Variants in OPRPN observed in about 807,000 individuals in gnomAD.
OPRPN encodes opiorphin prepropeptide.
In OPRPN, 1 loss-of-function variant was observed where a neutral mutation model predicts 2.2. That is an observed-to-expected ratio of 0.45 (90% CI 0.16 to 2.15). The LOEUF (loss-of-function observed/expected upper bound fraction) is 2.15. Among genes scored for constraint, OPRPN ranks in the 30% most tolerant of loss-of-function variants. The probability of loss-of-function intolerance (pLI) is 0.28; values close to 1 mark genes in which losing one functional copy is unlikely to be tolerated. For missense variants in OPRPN, 306 were observed against 297.3 expected (o/e 1.03, Z -0.21); for synonymous variants, 126 against 111.5 (o/e 1.13, Z -0.82).
intron 2 of OPRPN, among the ~76,000 whole-genome samples, chr4:70,401,670 A>G (rs1173524343): frequency 2.0e-5 from 3 of 152,134 alleles, no homozygotes; most frequent in Non-Finnish European, 4.4e-5. Flanking sequence ...ACGCCAAGTA[A>G]TAACAAATAG....
chr4:70,403,380 A>G (rs767217916), intron 2 of OPRPN, among the ~76,000 whole-genome samples: 3 of 152,154 alleles, frequency 2.0e-5, no homozygotes, highest in Non-Finnish European at 2.9e-5. Flanking sequence ...GTAAAACTTT[A>G]TTTACCAAAA....
At chr4:70,403,308 T>G (rs972801768) in intron 2 of OPRPN, among the ~76,000 whole-genome samples, 3 of 152,120 alleles carry the variant, frequency 2.0e-5, no homozygotes, top group African/African-American at 7.2e-5. Context: ...TAATAAGTGG[T>G]CAACTTGGCT....
chr4:70,409,077 T>C (rs72852758), intron 2 of OPRPN, among the ~76,000 whole-genome samples: 1,590 of 152,296 alleles, frequency 0.01, 27 homozygotes, highest in African/African-American at 0.036. Context: ...TTATACATAA[T>C]CAAGGTGATT....
chr4:70,407,902 G>T (rs188696744), intron 2 of OPRPN, among the ~76,000 whole-genome samples: 1 of 152,146 alleles, frequency 6.6e-6, no homozygotes, highest in Non-Finnish European at 1.5e-5. Flanking sequence ...AAGTTCTCAC[G>T]TATCATGGCC....
At chr4:70,401,018 G>A (rs1323504664) in intron 2 of OPRPN, among the ~76,000 whole-genome samples, 1 of 151,952 alleles carries the variant, frequency 6.6e-6, no homozygotes, top group Non-Finnish European at 1.5e-5. Context: ...ACAACCTTCT[G>A]TTTCATACTG....
At chr4:70,401,631 C>G (rs1288972434) in intron 2 of OPRPN, among the ~76,000 whole-genome samples, 1 of 152,058 alleles carries the variant, frequency 6.6e-6, no homozygotes, top group Admixed American at 6.6e-5. Flanking sequence ...GGGAATGACA[C>G]AACAAGTGAA....
At chr4:70,398,743 A>G (rs1732911669) in intron 1 of OPRPN, among the ~76,000 whole-genome samples, 1 of 151,978 alleles carries the variant, frequency 6.6e-6, no homozygotes, top group African/African-American at 2.4e-5. Context: ...ATAATACTTC[A>G]GTAGAGTGAT....
At chr4:70,407,008 T>C (rs763443445) in intron 2 of OPRPN, among the ~76,000 whole-genome samples, 12 of 152,158 alleles carry the variant, frequency 7.9e-5, no homozygotes, top group African/African-American at 1.2e-4. Flanking sequence ...AAACCGGTCT[T>C]TGCTTCTCAT....
intron 2 of OPRPN, 186 bp downstream of exon 2, chr4:70,399,522 C>A: frequency 1.9e-6 from 1 of 535,250 alleles, no homozygotes; most frequent in Non-Finnish European, 3.3e-6. Flanking sequence ...TCAGCGGTTG[C>A]TAAGCATGAA....
chr4:70,401,081 A>G (rs1732975978), intron 2 of OPRPN, among the ~76,000 whole-genome samples: 1 of 152,056 alleles, frequency 6.6e-6, no homozygotes, highest in African/African-American at 2.4e-5. Flanking sequence ...TTGAGGATTC[A>G]TATGAATTAA....
rs188281863 is a variant in OPRPN at position 70,401,661 on chromosome 4, C to T, written c.51+2325C>T. 1.2e-3 allele frequency among the ~76,000 whole-genome samples: 186 copies of T among 152,108 alleles called. 3 individuals carry two copies. In the East Asian group the frequency reaches 0.018, roughly 15 times the overall value. On this transcript the variant is annotated intron_variant, in intron 2 of 2. Transcript: ENST00000399575. ...AGTGAATGGGCCTTTGTGTAGTTGA[C>T]GCCAAGTAATAACAAATAGGTTTCA... is the stretch of plus-strand genomic sequence containing the variant.
chr4:70,402,159 ACT>A lies in OPRPN; in HGVS notation c.51+2826_51+2827del, dbSNP rs1253203137. On this transcript the variant is annotated intron_variant, in intron 2 of 2. Transcript: ENST00000399575. ...TCTCCAAACTCTACAAACTCTAGAA[ACT>A]CTATCAGGAACACAAATCATCTAGG... Among the ~76,000 whole-genome samples, 9 of 152,118 alleles carry A rather than the reference ACT, an allele frequency of 5.9e-5. No homozygotes were observed. In the South Asian group the frequency reaches 8.3e-4, roughly 14 times the overall value.
At chr4:70,402,993 G>T (rs940108258) in intron 2 of OPRPN, among the ~76,000 whole-genome samples, 1 of 151,964 alleles carries the variant, frequency 6.6e-6, no homozygotes, top group Admixed American at 6.6e-5. Context: ...TTTAGTACAT[G>T]AAGTCAGTAC....
intron 2 of OPRPN, among the ~76,000 whole-genome samples, chr4:70,408,964 G>A (rs1422148124): frequency 6.6e-6 from 1 of 152,130 alleles, no homozygotes; most frequent in Non-Finnish European, 1.5e-5. Flanking sequence ...TTCAGAGTCT[G>A]GAATCTCACT....
intron 2 of OPRPN, among the ~76,000 whole-genome samples, chr4:70,406,001 G>C (rs4629525): frequency 1.3e-5 from 2 of 152,106 alleles, no homozygotes; most frequent in Middle Eastern, 3.2e-3. Context: ...CTGGGGGACA[G>C]AGGTTGAAGT....
At chr4:70,408,178 T>C (rs1030789567) in intron 2 of OPRPN, among the ~76,000 whole-genome samples, 3 of 152,088 alleles carry the variant, frequency 2.0e-5, no homozygotes, top group African/African-American at 7.2e-5. Context: ...GATCCAAAAG[T>C]TTGATGTTTC....
intron 1 of OPRPN, among the ~76,000 whole-genome samples, 177 bp downstream of exon 1, chr4:70,398,217 G>GA (rs1180538336): frequency 6.6e-6 from 1 of 151,502 alleles, no homozygotes; most frequent in Admixed American, 6.6e-5. Context: ...TAAAATTCCT[G>GA]AAAAAATGTC....
intron 2 of OPRPN, among the ~76,000 whole-genome samples, chr4:70,403,430 C>A (rs910875796): frequency 6.6e-6 from 1 of 152,206 alleles, no homozygotes; most frequent in Non-Finnish European, 1.5e-5. Context: ...AGTTTGCTAA[C>A]TCCCAGTCTA....
Position 70,409,551 on chromosome 4 carries a change from TTCTC to T in OPRPN, c.226_229del (p.Ser76AspfsTer33), listed in dbSNP as rs767820698. On this transcript the variant is annotated frameshift_variant, in exon 3 of 3. Coordinates refer to ENST00000399575, the MANE Select transcript of OPRPN (RefSeq NM_021225.5). LOFTEE classifies it low-confidence loss of function (END_TRUNC). ...CCCAGGGCGAGTTCCACCATCTTCTTTCTCTCGATTTAGCCAAGCAGTCATTCTA... is the reference window on the plus strand; with the variant it reads ...CCCAGGGCGAGTTCCACCATCTTCTTTCGATTTAGCCAAGCAGTCATTCTA... The T allele has an allele frequency of 6.2e-7, 1 of 1,613,954 alleles. No homozygotes were observed. The highest frequency in any genetic ancestry group is 8.5e-7 in the Non-Finnish European group (1 of 1,179,904).
Sources: gnomAD v4.1 joint callset for allele counts (sites outside exome capture counted in the v4.1 genomes callset) on GRCh38, gnomAD v4.1.1 for gene constraint, MANE v1.5 for transcripts, NCBI Gene and HGNC (gene_info 2026-07-23, HGNC 2026-07-21) for gene names.